The following PTPRD variants were observed in gnomAD, a reference collection of about 807,000 sequenced individuals.
PTPRD encodes the protein protein tyrosine phosphatase receptor type D, also known as receptor-type tyrosine-protein phosphatase delta.
PTPRD carries 34 observed loss-of-function variants against 214.5 expected under a neutral mutation model. The ratio of observed to expected loss-of-function variants is 0.16; its 90% CI spans 0.12 to 0.21. The LOEUF is 0.21. Among genes scored for constraint, PTPRD ranks in the 10% least tolerant of loss-of-function variants. The pLI, the probability that PTPRD is intolerant of heterozygous loss-of-function variation, is 1.00. For missense variants in PTPRD, 2,545 were observed against 2,398.7 expected (o/e 1.06, Z -1.27); for synonymous variants, 1,128 against 845.7 (o/e 1.33, Z -5.79).
At chr9:10,453,165 C>T (rs1019364654) in intron 2 of PTPRD, among the ~76,000 whole-genome samples, 4 of 151,488 alleles carry the variant, frequency 2.6e-5, no homozygotes, top group African/African-American at 9.7e-5. Context: ...ATATTCTGTT[C>T]TTTTGGTTTA....
At chr9:9,415,121 G>T (rs537810426) in intron 8 of PTPRD, among the ~76,000 whole-genome samples, 1 of 152,238 alleles carries the variant, frequency 6.6e-6, no homozygotes, top group African/African-American at 2.4e-5. Flanking sequence ...AGCAATAACT[G>T]CTATGCAGGA....
intron 7 of PTPRD, among the ~76,000 whole-genome samples, chr9:9,724,313 A>G (rs1435814609): frequency 6.6e-6 from 1 of 152,156 alleles, no homozygotes; most frequent in East Asian, 1.9e-4. Context: ...TCAAGGAAAC[A>G]TCACAGTTAC....
chr9:9,132,778 T>C (rs2099844737), intron 10 of PTPRD, among the ~76,000 whole-genome samples: 1 of 152,336 alleles, frequency 6.6e-6, no homozygotes, highest in Non-Finnish European at 1.5e-5. Context: ...AGGGAATGAA[T>C]GGACTACACA....
chr9:9,447,972 G>T (rs771553320), intron 8 of PTPRD, among the ~76,000 whole-genome samples: 1 of 152,028 alleles, frequency 6.6e-6, no homozygotes, highest in African/African-American at 2.4e-5. Flanking sequence ...GACTGCACTA[G>T]CTTTCATTTT....
chr9:9,607,628 A>T (rs1314871503), intron 7 of PTPRD, among the ~76,000 whole-genome samples: 1 of 152,134 alleles, frequency 6.6e-6, no homozygotes, highest in African/African-American at 2.4e-5. Flanking sequence ...TGAGAGGAGA[A>T]GGTTTAACCT....
At chr9:10,018,587 G>T (rs1447339341) in intron 4 of PTPRD, among the ~76,000 whole-genome samples, 5 of 101,366 alleles carry the variant, frequency 4.9e-5, no homozygotes, top group South Asian at 4.1e-4. Flanking sequence ...TCGCTCTGTC[G>T]CCCAGGCTGG....
chr9:9,728,959 C>T (rs1299412821), intron 7 of PTPRD, among the ~76,000 whole-genome samples: 1 of 151,858 alleles, frequency 6.6e-6, no homozygotes, highest in Non-Finnish European at 1.5e-5. Context: ...CCTAAGTTGC[C>T]TGCTTTACCA....
intron 2 of PTPRD, among the ~76,000 whole-genome samples, chr9:10,397,147 AAAC>A (rs2098186413): frequency 6.6e-6 from 1 of 152,070 alleles, no homozygotes; most frequent in South Asian, 2.1e-4. Context: ...GCAACAATTT[AAAC>A]AATATTCAAA....
At chr9:10,427,054 G>A (rs190389556) in intron 2 of PTPRD, among the ~76,000 whole-genome samples, 1 of 151,934 alleles carries the variant, frequency 6.6e-6, no homozygotes, top group African/African-American at 2.4e-5. Flanking sequence ...ATTTTGGGGG[G>A]TATTGTTTTT....
At chr9:9,995,683 G>T (rs949932747) in intron 4 of PTPRD, among the ~76,000 whole-genome samples, 3 of 152,118 alleles carry the variant, frequency 2.0e-5, no homozygotes, top group Middle Eastern at 3.2e-3. Context: ...ACGTCTGAAT[G>T]ATTCTCTTTT....
chr9:9,735,816 A>T (rs2098282351), intron 6 of PTPRD, among the ~76,000 whole-genome samples: 2 of 152,146 alleles, frequency 1.3e-5, no homozygotes, highest in Admixed American at 6.5e-5. Flanking sequence ...CTAAGAAAAT[A>T]ATCTGATACA....
At chr9:10,539,607 T>C (rs923420455) in intron 2 of PTPRD, among the ~76,000 whole-genome samples, 2 of 152,238 alleles carry the variant, frequency 1.3e-5, no homozygotes, top group African/African-American at 4.8e-5. Context: ...AGAAAGTCTA[T>C]GAGCTCCCTT....
chr9:8,408,636 G>A (rs1294379333), intron 35 of PTPRD, among the ~76,000 whole-genome samples: 1 of 152,068 alleles, frequency 6.6e-6, no homozygotes, highest in Non-Finnish European at 1.5e-5. Flanking sequence ...CGTATTTTTT[G>A]TGTCTCCAGC....
At chr9:8,883,135 A>T (rs2098460381) in intron 11 of PTPRD, among the ~76,000 whole-genome samples, 1 of 152,170 alleles carries the variant, frequency 6.6e-6, no homozygotes, top group African/African-American at 2.4e-5. Context: ...ACTATGTGTC[A>T]GGTATTGTGC....
intron 2 of PTPRD, among the ~76,000 whole-genome samples, chr9:10,570,166 C>G (rs948751900): frequency 7.9e-5 from 12 of 152,134 alleles, no homozygotes; most frequent in African/African-American, 2.7e-4. Flanking sequence ...TCACAAATCA[C>G]TGGACTTTAT....
intron 11 of PTPRD, among the ~76,000 whole-genome samples, chr9:8,874,216 G>A (rs1369327529): frequency 6.6e-6 from 1 of 152,104 alleles, no homozygotes; most frequent in Non-Finnish European, 1.5e-5. Context: ...TCAGTGACTT[G>A]CCCATAACTT....
chr9:10,610,481 A>AT (rs2080675927), intron 2 of PTPRD, among the ~76,000 whole-genome samples: 1 of 151,446 alleles, frequency 6.6e-6, no homozygotes, highest in Non-Finnish European at 1.5e-5. Flanking sequence ...CTTAGGTACA[A>AT]TCTTCCCCTT....
chr9:10,349,980 A>T (rs2097154801), intron 2 of PTPRD, among the ~76,000 whole-genome samples: 1 of 152,214 alleles, frequency 6.6e-6, no homozygotes, highest in Non-Finnish European at 1.5e-5. Context: ...TTTGTTTTAA[A>T]TAATTGAAAG....
chr9:10,204,120 T>C (rs192060774), intron 3 of PTPRD, among the ~76,000 whole-genome samples: 4 of 152,278 alleles, frequency 2.6e-5, no homozygotes, highest in Admixed American at 6.5e-5. Context: ...CCTGGTAACC[T>C]CTCCATGCTT....
Sources: allele counts gnomAD v4.1 joint callset (sites outside exome capture counted in the v4.1 genomes callset), GRCh38; gene constraint gnomAD v4.1.1; transcripts MANE v1.5; gene names NCBI Gene and HGNC (gene_info 2026-07-23, HGNC 2026-07-21).